Variants in ABI3BP observed in about 807,000 individuals in gnomAD.
ABI3BP encodes target of Nesh-SH3.
ABI3BP carries 216 observed loss-of-function variants against 268.6 expected under a neutral mutation model. The observed-to-expected ratio is 0.80, with a 90% CI of 0.72 to 0.90. The LOEUF (loss-of-function observed/expected upper bound fraction) is 0.90. Among genes scored for constraint, ABI3BP ranks in the 40% least tolerant of loss-of-function variants. The pLI, the probability that ABI3BP is intolerant of heterozygous loss-of-function variation, is 0.00. For missense variants in ABI3BP, 2,090 were observed against 2,182.4 expected, an observed-to-expected ratio of 0.96 and a Z score of 0.84; for synonymous variants, 730 against 730.0, an observed-to-expected ratio of 1.00 and a Z score of 0.00.
chr3:100,783,967 G>A (rs1269861166), intron 57 of ABI3BP, among the ~76,000 whole-genome samples: 1 of 152,160 alleles, frequency 6.6e-6, no homozygotes, highest in Non-Finnish European at 1.5e-5. Flanking sequence ...ACACGTCTCT[G>A]GAAACCATGG....
In ABI3BP at chr3:100,824,369, A is replaced by G. The variant is rs1044858409; in HGVS notation, c.2746+489T>C. On this transcript the variant is annotated intron_variant, in intron 36 of 67. Transcript: ENST00000471714. ...CAAGGTCCAAGTCCAGCCCACCTCG[A>G]TCTTATCTTTTGAGATAAAACACAA... 5.3e-5 allele frequency among the ~76,000 whole-genome samples: 8 copies of G among 152,144 alleles called. No individual in the cohort carries two copies. The South Asian group carries it at 1.2e-3, about 24-fold the overall frequency.
chr3:100,792,068 A>C (rs2097210521), intron 55 of ABI3BP, among the ~76,000 whole-genome samples: 1 of 151,866 alleles, frequency 6.6e-6, no homozygotes. Context: ...GGATAGTAGG[A>C]TAGAAAAGTG....
At chr3:100,871,127 TTATAA>T (rs1207942215) in intron 9 of ABI3BP, among the ~76,000 whole-genome samples, 7 of 152,188 alleles carry the variant, frequency 4.6e-5, no homozygotes, top group African/African-American at 1.7e-4. Flanking sequence ...AGAACTATAA[TTATAA>T]TATTGTATAT....
At chr3:100,862,173 C>T (rs998600048) in intron 14 of ABI3BP, 138 bp downstream of exon 14, 6 of 650,832 alleles carry the variant, frequency 9.2e-6, no homozygotes, top group Admixed American at 6.8e-5. Context: ...TGAGGTTCAT[C>T]TCAGTATCAA....
At chr3:100,772,567 C>A (rs1178300411) in intron 61 of ABI3BP, among the ~76,000 whole-genome samples, 1 of 151,936 alleles carries the variant, frequency 6.6e-6, no homozygotes, top group Non-Finnish European at 1.5e-5. Context: ...ATACTATAAA[C>A]CCCAAAGCAA....
intron 2 of ABI3BP, among the ~76,000 whole-genome samples, chr3:100,903,126 T>C (rs2051292454): frequency 6.6e-6 from 1 of 152,192 alleles, no homozygotes; most frequent in African/African-American, 2.4e-5. Context: ...TCACTCCCTT[T>C]CATGGGAACA....
chr3:100,893,779 A>T (rs993923673), intron 4 of ABI3BP, among the ~76,000 whole-genome samples: 1 of 152,208 alleles, frequency 6.6e-6, no homozygotes, highest in Non-Finnish European at 1.5e-5. Context: ...CATGCTTGCC[A>T]GCAGGAGGCA....
At position 100,824,889 on chromosome 3, in the gene ABI3BP, T is replaced by C; in HGVS notation, c.2715A>G (p.Thr905=). 1.3e-6 allele frequency: 2 copies of C among 1,536,008 alleles called. No homozygotes were observed. The highest frequency in any genetic ancestry group is 1.7e-6 in the Non-Finnish European group (2 of 1,146,646). ...TGGTCTCAGGTGCCTGAGGGCTCGG[T>C]GTAGTTTTAGGTCTGGGACGTGGAG... ...TRPPRPRPKT[T]PSPQAPETKP... Residue 905 remains threonine, a synonymous_variant, in exon 36 of 68, where the codon ACA becomes ACG. Transcript: ENST00000471714.
chr3:100,889,532 C>A (rs995224885), intron 4 of ABI3BP, among the ~76,000 whole-genome samples: 12 of 151,968 alleles, frequency 7.9e-5, no homozygotes, highest in Admixed American at 7.2e-4. Context: ...GTTAGTTGAC[C>A]CTTTTTCTGT....
intron 63 of ABI3BP, among the ~76,000 whole-genome samples, chr3:100,761,969 A>G (rs2095984585): frequency 6.6e-6 from 1 of 152,220 alleles, no homozygotes. Flanking sequence ...TTATTCAAAC[A>G]GGGAATTCCA....
At chr3:100,942,979 G>T (rs536047755) in intron 1 of ABI3BP, among the ~76,000 whole-genome samples, 1 of 152,054 alleles carries the variant, frequency 6.6e-6, no homozygotes, top group African/African-American at 2.4e-5. Flanking sequence ...CACATATTTT[G>T]GTCTGTGAAC....
intron 15 of ABI3BP, among the ~76,000 whole-genome samples, chr3:100,850,985 G>A (rs768471585): frequency 6.6e-6 from 1 of 152,182 alleles, no homozygotes; most frequent in Admixed American, 6.5e-5. Flanking sequence ...TTTTCAACAC[G>A]TTTTTCTGGT....
At chr3:100,850,799 A>G in intron 15 of ABI3BP, 65 bp from the exon 16 acceptor site, 4 of 1,269,966 alleles carry the variant, frequency 3.1e-6, no homozygotes, top group Non-Finnish European at 4.6e-6. Flanking sequence ...ATACAAATTC[A>G]TGAGTAATAA....
Position 100,832,349 on chromosome 3 carries a change from A to C in ABI3BP, c.2316T>G (p.Ala772=). 1.3e-6 allele frequency: 2 copies of C among 1,535,112 alleles called. No homozygotes were observed. Among genetic ancestry groups the C allele is most frequent in the Non-Finnish European group, 1.7e-6 (2 of 1,146,354 alleles). ...FGPITPGTSS[A]PTTTTKRTRR... ...GGGTTCTTTTTGTTGTTGTTGTTGG[A>C]GCTGAAGGAAGAAAATTTAGGATTA... is the stretch of plus-strand genomic sequence containing the variant. Residue 772 remains alanine (A), a splice_region_variant and synonymous_variant, in exon 31 of 68, where the codon GCT becomes GCG. Coordinates refer to ENST00000471714, the MANE Select transcript of ABI3BP (RefSeq NM_001375547.2).
At chr3:100,835,711 C>A (rs569285488) in intron 27 of ABI3BP, 51 bp from the exon 28 acceptor site, 2 of 1,373,546 alleles carry the variant, frequency 1.5e-6, no homozygotes, top group South Asian at 1.3e-5. Flanking sequence ...TACAGAAAAA[C>A]AAAGTTATTT....
At chr3:100,939,688 T>C (rs2067980996) in intron 1 of ABI3BP, among the ~76,000 whole-genome samples, 1 of 151,948 alleles carries the variant, frequency 6.6e-6, no homozygotes, top group African/African-American at 2.4e-5. Context: ...CGGGGAGAAA[T>C]TAAAATTGCT....
intron 1 of ABI3BP, among the ~76,000 whole-genome samples, chr3:100,969,030 T>A (rs1272310901): frequency 1.3e-5 from 2 of 152,214 alleles, no homozygotes; most frequent in African/African-American, 4.8e-5. Flanking sequence ...GAGTAATCTG[T>A]TCACCAATAA....
intron 1 of ABI3BP, among the ~76,000 whole-genome samples, chr3:100,928,379 T>C (rs1040724693): frequency 2.0e-5 from 3 of 152,116 alleles, no homozygotes; most frequent in Non-Finnish European, 2.9e-5. Flanking sequence ...ACCACTTTTG[T>C]GCAGCATGTG....
chr3:100,759,202 A>G (rs2095810009), intron 63 of ABI3BP, among the ~76,000 whole-genome samples: 1 of 152,106 alleles, frequency 6.6e-6, no homozygotes, highest in Non-Finnish European at 1.5e-5. Context: ...TTTTACCCCT[A>G]GTGTAGTCGT....
Sources: gnomAD v4.1 joint callset for allele counts (sites outside exome capture counted in the v4.1 genomes callset) on GRCh38, gnomAD v4.1.1 for gene constraint, MANE v1.5 for transcripts, NCBI Gene and HGNC (gene_info 2026-07-23, HGNC 2026-07-21) for gene names.